Variants in PLXNB1 observed in about 807,000 individuals in gnomAD.
PLXNB1 encodes the protein plexin-B1.
PLXNB1 carries 106 observed loss-of-function variants against 209.4 expected under a neutral mutation model. The observed-to-expected ratio is 0.51, with a 90% CI of 0.43 to 0.59. The LOEUF is 0.59. Ranked by LOEUF, PLXNB1 falls within the 20% of genes least tolerant of loss-of-function variation. PLXNB1 has a pLI of 0.00. For missense variants in PLXNB1, 2,357 were observed against 2,853.2 expected, an observed-to-expected ratio of 0.83 and a Z score of 3.96; for synonymous variants, 1,167 against 1,183.2, an observed-to-expected ratio of 0.99 and a Z score of 0.28.
chr3:48,414,732 A>C, intron 21 of PLXNB1, 67 bp downstream of exon 21: 1 of 1,565,696 alleles, frequency 6.4e-7, no homozygotes, highest in Non-Finnish European at 8.7e-7. Flanking sequence ...TCTCCGCCAC[A>C]CACAGCAGTG....
In PLXNB1 at chr3:48,415,388, T is replaced by C. The variant is rs755580110; in HGVS notation, c.3795-41A>G. The stretch of plus-strand genomic sequence containing the variant: ...AGCTTACGTAACGTAAGATGGCTTA[T>C]GTTACCTGGACCTAAAGCACAGCCC... On this transcript the variant is annotated intron_variant, in intron 19 of 37. Coordinates refer to ENST00000296440, the MANE Select transcript of PLXNB1 (RefSeq NM_001130082.3). This position sits in a 1 kb window ranked among gnomAD's most constrained non-coding sequence, Gnocchi z 5.0. 15 of 1,591,136 alleles carry C rather than the reference T, an allele frequency of 9.4e-6. 1 individual carries two copies. The highest frequency in any genetic ancestry group is 7.8e-5 in the South Asian group (7 of 89,650).
In PLXNB1 at chr3:48,415,843, G is replaced by A. The variant is rs1020564679; in HGVS notation, c.3618-84C>T. Reference sequence around the variant, plus strand: ...AGGCCCCAACTGGCTTCCCTCAAGCGCTGACTGCAGTCTCCACCAGGTGTC... The same window carrying A: ...AGGCCCCAACTGGCTTCCCTCAAGCACTGACTGCAGTCTCCACCAGGTGTC... On this transcript the variant is annotated intron_variant, in intron 18 of 37. Transcript: ENST00000296440. This position sits in a 1 kb window ranked among gnomAD's most constrained non-coding sequence, Gnocchi z 5.0. 43 of 1,392,718 alleles carry A rather than the reference G, an allele frequency of 3.1e-5. No individual in the cohort carries two copies. The highest frequency in any genetic ancestry group is 3.8e-5 in the Non-Finnish European group (39 of 1,027,448). 86.3% of individuals were successfully genotyped at this position (1,392,718 alleles called of 1,614,324 possible). A position where few individuals can be genotyped will look rare whatever the true frequency, so the allele number is the denominator to read the frequency against.
In PLXNB1 at chr3:48,422,113, G is replaced by T; in HGVS notation, c.1512C>A (p.Leu504=). The T allele has an allele frequency of 1.2e-6, 2 of 1,613,768 alleles. No homozygotes were observed. Among genetic ancestry groups the T allele is most frequent in the South Asian group, 2.2e-5 (2 of 91,070 alleles). The change falls in exon 6 of 38, where the codon CTC becomes CTA. Residue 504 remains leucine, a synonymous_variant. Coordinates refer to ENST00000296440, the MANE Select transcript of PLXNB1 (RefSeq NM_001130082.3). Reference sequence around the variant, plus strand: ...GGGGTCAGAAATCTGACCTGCCAAGGAGCACGCACCACCCACAGTATGGGT... The same window carrying T: ...GGGGTCAGAAATCTGACCTGCCAAGTAGCACGCACCACCCACAGTATGGGT... ...HRDPYCGWCV[L]LGRCSRRSEC... is the part of the protein sequence containing the mutation.
rs747184256 is a variant in PLXNB1 at position 48,404,536 on chromosome 3, G to A, written c.6358C>T (p.Arg2120Trp). The change falls in exon 38 of 38, where the codon CGG becomes TGG. Residue 2120 changes from arginine (R) to tryptophan (W), a missense_variant. Physicochemically the swap from Arg to Trp is moderately radical, Grantham distance 101. This residue lies in a region of PLXNB1 where 414 missense variants were observed against 520.5 expected (regional missense o/e 0.80). Coordinates refer to ENST00000296440, the MANE Select transcript of PLXNB1 (RefSeq NM_001130082.3). ...ACAGCAGCTGCAATCTGCTGGAGCC[G>A]ATAGCCCAGCTGCATCTTCTGGGCC... is the stretch of plus-strand genomic sequence containing the variant. ...GTAQKMQLGY[R>W]LQQIAAAVEN... is the part of the protein sequence containing the mutation. 44 of 1,613,690 alleles carry A rather than the reference G, an allele frequency of 2.7e-5. No individual in the cohort carries two copies. Among genetic ancestry groups the A allele is most frequent in the Non-Finnish European group, 3.6e-5 (43 of 1,179,808 alleles).
In PLXNB1 at chr3:48,422,221, G is replaced by A; in HGVS notation, c.1420-16C>T. 1 of 1,613,110 alleles carries A rather than the reference G, an allele frequency of 6.2e-7. No individual in the cohort carries two copies. Among genetic ancestry groups the A allele is most frequent in the South Asian group, 1.1e-5 (1 of 91,038 alleles). On this transcript the variant is annotated splice_polypyrimidine_tract_variant and intron_variant, in intron 5 of 37. Transcript: ENST00000296440. ...CCTTCAGAAGCTGAGACAGCAAAGA[G>A]GACCTGAGGCCAGCAATCCAAACAC...
At chr3:48,412,180 A>C (rs2106794231) in intron 27 of PLXNB1, 58 bp downstream of exon 27, 3 of 1,573,314 alleles carry the variant, frequency 1.9e-6, no homozygotes, top group Non-Finnish European at 2.6e-6. Flanking sequence ...GAGGGCTTAG[A>C]AGTTTGGAGG....
At chr3:48,404,648 A>G in intron 37 of PLXNB1, 58 bp from the exon 38 acceptor site, 2 of 1,169,076 alleles carry the variant, frequency 1.7e-6, no homozygotes, top group Non-Finnish European at 2.5e-6. Flanking sequence ...GTTTGCTGCA[A>G]AATTCAACAG....
chr3:48,407,755 TG>T (rs2037400758), intron 34 of PLXNB1, among the ~76,000 whole-genome samples: 1 of 152,314 alleles, frequency 6.6e-6, no homozygotes, highest in Non-Finnish European at 1.5e-5. Flanking sequence ...CAACTCCCCA[TG>T]GGGGAACCCT....
chr3:48,418,424 G>A lies in PLXNB1; in HGVS notation c.3049+25C>T. The A allele has an allele frequency of 6.2e-7, 1 of 1,613,030 alleles. No individual in the cohort carries two copies. Among genetic ancestry groups the A allele is most frequent in the Non-Finnish European group, 8.5e-7 (1 of 1,179,722 alleles). On this transcript the variant is annotated intron_variant, in intron 14 of 37. Coordinates refer to ENST00000296440, the MANE Select transcript of PLXNB1 (RefSeq NM_001130082.3). This position sits in a 1 kb window ranked among gnomAD's most constrained non-coding sequence, Gnocchi z 6.6. ...TGGGAGAGCCCTGCTACCACCGCCA[G>A]CCCAGCAGCCCGCAGGTGGCTCACC...
rs2037618462 is a variant in PLXNB1 at position 48,410,624 on chromosome 3, C to T, written c.5417-66G>A. 1 of 1,347,522 alleles carries T rather than the reference C, an allele frequency of 7.4e-7. No individual in the cohort carries two copies. Among genetic ancestry groups the T allele is most frequent in the South Asian group, 1.2e-5 (1 of 84,260 alleles). The allele number at this position is 1,347,522 out of a possible 1,614,324, so 83.5% of individuals were successfully genotyped here. On this transcript the variant is annotated intron_variant, in intron 29 of 37. Coordinates refer to ENST00000296440, the MANE Select transcript of PLXNB1 (RefSeq NM_001130082.3). This position sits in a 1 kb window ranked among gnomAD's most constrained non-coding sequence, Gnocchi z 6.4. ...ACCCTTCCCATAGTGGAGCCCATCT[C>T]CTCCTCCACAGGGACACCAGCCCCT...
rs748178639 is a variant in PLXNB1, at chr3:48,418,384, C to A, written c.3050-21G>T. 11 of 1,613,450 alleles carry A rather than the reference C, an allele frequency of 6.8e-6. No homozygotes were observed. Among genetic ancestry groups the A allele is most frequent in the Non-Finnish European group, 9.3e-6 (11 of 1,179,990 alleles). On this transcript the variant is annotated intron_variant, in intron 14 of 37. Transcript: ENST00000296440. This position sits in a 1 kb window ranked among gnomAD's most constrained non-coding sequence, Gnocchi z 6.6. Reference sequence around the variant, plus strand: ...TACCACTGGGGGTGGCAGAGACACACGTGAGAGGCAGGCCTGGGAGAGCCC... The same window carrying A: ...TACCACTGGGGGTGGCAGAGACACAAGTGAGAGGCAGGCCTGGGAGAGCCC...
intron 1 of PLXNB1, among the ~76,000 whole-genome samples, chr3:48,427,613 C>T (rs1046071704): frequency 1.3e-5 from 2 of 152,204 alleles, no homozygotes; most frequent in South Asian, 2.1e-4. Flanking sequence ...GTCCACACCT[C>T]TCCCACCCGA....
In PLXNB1 at chr3:48,419,318, G is replaced by C. The variant is rs952756624; in HGVS notation, c.2758C>G (p.Gln920Glu). The change falls in exon 12 of 38, where the codon CAG (glutamine) becomes GAG (glutamate). Residue 920 changes from glutamine to glutamate, a missense_variant. By Grantham distance (29) the Gln-to-Glu change is conservative. Around this residue, in one of 7 missense-constraint regions of PLXNB1, gnomAD observed 410 missense variants for 401.0 expected, o/e 1.02. Transcript: ENST00000296440. This position sits in a 1 kb window ranked among gnomAD's most constrained non-coding sequence, Gnocchi z 5.7. ...TGGACCGGCATCAACGTGGAGCCCT[G>C]AACGCTCTCCACACAGGGGCAGGAG... ...ASSCPCVESV[Q>E]GSTLMPVHVE... 6.3e-7 allele frequency: 1 copy of C among 1,596,108 alleles called. No homozygotes were observed. Among genetic ancestry groups the C allele is most frequent in the Non-Finnish European group, 8.6e-7 (1 of 1,168,778 alleles).
Position 48,416,079 on chromosome 3 carries a change from C to T in PLXNB1, c.3569G>A (p.Gly1190Glu). ...LTLNGSKLLTGRLEDIRVVVG... is the reference protein window; with the variant it reads ...LTLNGSKLLTERLEDIRVVVG... The stretch of plus-strand genomic sequence containing the variant: ...CACCACTCGGATGTCCTCCAGCCGC[C>T]CAGTCAGGAGCTTGGAGCCATTCAG... The change falls in exon 18 of 38, where the codon GGG becomes GAG. Residue 1190 changes from glycine (G) to glutamate (E), a missense_variant. Gly to Glu is a moderately conservative substitution (Grantham distance 98, BLOSUM62 -2). Transcript: ENST00000296440. The surrounding 1 kb of genome is among the most constrained non-coding windows in gnomAD (Gnocchi z 4.1). The T allele has an allele frequency of 6.2e-7, 1 of 1,602,060 alleles. No homozygotes were observed. The highest frequency in any genetic ancestry group is 8.5e-7 in the Non-Finnish European group (1 of 1,174,582).
rs2038170357 is a variant in PLXNB1, at chr3:48,417,394, G to A, written c.3374+517C>T. On this transcript the variant is annotated intron_variant, in intron 16 of 37. Coordinates refer to ENST00000296440, the MANE Select transcript of PLXNB1 (RefSeq NM_001130082.3). This position sits in a 1 kb window ranked among gnomAD's most constrained non-coding sequence, Gnocchi z 4.4. ...TTTGGGGCCTGCAACCGCTGGCCAG[G>A]TTACCATAACCCAGGAGCCCCAGGA... 6.6e-6 allele frequency among the ~76,000 whole-genome samples: 1 copy of A among 152,210 alleles called. No homozygotes were observed. The highest frequency in any genetic ancestry group is 2.1e-4 in the South Asian group (1 of 4,834).
In PLXNB1 at chr3:48,409,897, C is replaced by T. The variant is rs1261170535; in HGVS notation, c.5778+8G>A. Reference sequence around the variant, plus strand: ...CCAGGCCCCACTACCTTGGCAGCCCCACCCCACCTTCATGGACAGCAGGCG... The same window carrying T: ...CCAGGCCCCACTACCTTGGCAGCCCTACCCCACCTTCATGGACAGCAGGCG... On this transcript the variant is annotated splice_region_variant and intron_variant, in intron 32 of 37. Transcript: ENST00000296440. The surrounding 1 kb of genome is among the most constrained non-coding windows in gnomAD (Gnocchi z 5.8). The T allele has an allele frequency of 9.3e-6, 15 of 1,608,714 alleles. No homozygotes were observed. The highest frequency in any genetic ancestry group is 3.3e-4 in the Middle Eastern group (2 of 6,022).
In PLXNB1 at chr3:48,429,391, G is replaced by A. The variant is rs1253109939; in HGVS notation, c.-60+617C>T. 6.6e-6 allele frequency: 1 copy of A among 151,324 alleles called. No homozygotes were observed. The highest frequency in any genetic ancestry group is 2.4e-5 in the African/African-American group (1 of 41,352). The allele number at this position is 151,324 out of a possible 1,614,324, so 9.4% of individuals were successfully genotyped here. On this transcript the variant is annotated intron_variant, in intron 1 of 37. Transcript: ENST00000296440. This position sits in a 1 kb window ranked among gnomAD's most constrained non-coding sequence, Gnocchi z 6.4. ...CGGAGACCGAGGGGCGGAAAACTGC[G>A]CCCGCTGCCCGCCCCTCCCGCGCGG...
rs1018523745 is a variant in PLXNB1 at position 48,405,985 on chromosome 3, G to T, written c.6229-187C>A. ...GACCCCAGGCCAGGTGTGCCAGATGGGGACAGAACAGGGTAGAGCAAGGGG... is the reference window on the plus strand; with the variant it reads ...GACCCCAGGCCAGGTGTGCCAGATGTGGACAGAACAGGGTAGAGCAAGGGG... On this transcript the variant is annotated intron_variant, in intron 36 of 37. Coordinates refer to ENST00000296440, the MANE Select transcript of PLXNB1 (RefSeq NM_001130082.3). The surrounding 1 kb of genome is among the most constrained non-coding windows in gnomAD (Gnocchi z 5.0). 5 of 573,316 alleles carry T rather than the reference G, an allele frequency of 8.7e-6. No homozygotes were observed. The highest frequency in any genetic ancestry group is 1.6e-5 in the Non-Finnish European group (5 of 314,690). 35.5% of individuals were successfully genotyped at this position (573,316 alleles called of 1,614,324 possible).
chr3:48,428,994 G>A (rs2039043173), intron 1 of PLXNB1, among the ~76,000 whole-genome samples: 1 of 152,220 alleles, frequency 6.6e-6, no homozygotes, highest in Non-Finnish European at 1.5e-5. Flanking sequence ...GGGAGGGCGG[G>A]GAAGGGGCCG....
Sources: allele counts gnomAD v4.1 joint callset (sites outside exome capture counted in the v4.1 genomes callset), GRCh38; gene constraint gnomAD v4.1.1; regional missense constraint gnomAD v4.1.1; non-coding constraint Gnocchi (gnomAD v3.1); transcripts MANE v1.5; gene names NCBI Gene and HGNC (gene_info 2026-07-23, HGNC 2026-07-21).